Variants in TTC28 observed in about 807,000 individuals in gnomAD.
TTC28 encodes tetratricopeptide repeat domain 28.
A neutral mutation model predicts 198.0 loss-of-function variants in TTC28; 61 were observed. The observed-to-expected ratio is 0.31, with a 90% CI of 0.25 to 0.38. The LOEUF (loss-of-function observed/expected upper bound fraction) is 0.38. Ranked by LOEUF, TTC28 falls within the 10% of genes least tolerant of loss-of-function variation. The pLI, the probability that TTC28 is intolerant of heterozygous loss-of-function variation, is 1.00. For missense variants in TTC28, 2,678 were observed against 3,164.0 expected (o/e 0.85, Z 3.69); for synonymous variants, 1,171 against 1,297.8 (o/e 0.90, Z 2.10).
chr22:28,498,582 G>A (rs1287846770), intron 2 of TTC28, among the ~76,000 whole-genome samples: 2 of 152,090 alleles, frequency 1.3e-5, no homozygotes, highest in African/African-American at 4.8e-5. Flanking sequence ...ACCGAAAGGG[G>A]CTCCCTTGGT....
chr22:28,625,914 A>G (rs1299176979), intron 2 of TTC28, among the ~76,000 whole-genome samples: 3 of 152,186 alleles, frequency 2.0e-5, no homozygotes, highest in Non-Finnish European at 4.4e-5. Flanking sequence ...TTTGTGACAA[A>G]GGTGCCAGGA....
intron 2 of TTC28, among the ~76,000 whole-genome samples, chr22:28,434,399 G>C (rs1183828450): frequency 6.6e-6 from 1 of 152,046 alleles, no homozygotes; most frequent in Non-Finnish European, 1.5e-5. Context: ...AAAATGGGCA[G>C]GTATGGGGCA....
chr22:28,274,321 A>C (rs752855687), intron 5 of TTC28, among the ~76,000 whole-genome samples: 1 of 152,246 alleles, frequency 6.6e-6, no homozygotes, highest in Non-Finnish European at 1.5e-5. Context: ...ACATATACAC[A>C]TCAATGAATA....
At chr22:28,184,865 T>G (rs537125489) in intron 5 of TTC28, among the ~76,000 whole-genome samples, 1 of 151,934 alleles carries the variant, frequency 6.6e-6, no homozygotes, top group East Asian at 1.9e-4. Context: ...TAAGAAAAGG[T>G]ATAGGGTACA....
At chr22:28,134,025 G>C (rs561388125) in intron 6 of TTC28, among the ~76,000 whole-genome samples, 203 of 152,276 alleles carry the variant, frequency 1.3e-3, no homozygotes, top group Middle Eastern at 3.4e-3. Flanking sequence ...CCAGAGGAAC[G>C]ATCAGGCAGC....
chr22:28,163,300 G>C lies in TTC28; in HGVS notation c.1233C>G (p.Asp411Glu). The C allele has an allele frequency of 6.4e-7, 1 of 1,552,012 alleles. No individual in the cohort carries two copies. The highest frequency in any genetic ancestry group is 8.7e-7 in the Non-Finnish European group (1 of 1,147,078). Reference sequence around the variant, plus strand: ...CATAGTTATGGTAAGACATGGCCTTGTCAAAGTTCCTCCGGTAGTGATAGG... The same window carrying C: ...CATAGTTATGGTAAGACATGGCCTTCTCAAAGTTCCTCCGGTAGTGATAGG... ...GSAYHYRRNF[D>E]KAMSYHNYVL... The change falls in exon 6 of 23, where the codon GAC becomes GAG. Residue 411 changes from aspartate (D) to glutamate (E), a missense_variant. Transcript: ENST00000397906.
intron 3 of TTC28, among the ~76,000 whole-genome samples, chr22:28,301,002 T>C (rs2045010576): frequency 6.6e-6 from 1 of 152,198 alleles, no homozygotes; most frequent in Non-Finnish European, 1.5e-5. Flanking sequence ...CATGTATATA[T>C]GTATGTCAAT....
intron 12 of TTC28, among the ~76,000 whole-genome samples, chr22:28,083,580 G>T (rs532945476): frequency 6.6e-6 from 1 of 152,252 alleles, no homozygotes; most frequent in Non-Finnish European, 1.5e-5. Flanking sequence ...AGCTCCCAGC[G>T]TGAGCGATGC....
At chr22:28,050,156 C>A (rs1337281098) in intron 12 of TTC28, among the ~76,000 whole-genome samples, 2 of 152,070 alleles carry the variant, frequency 1.3e-5, no homozygotes, top group East Asian at 3.9e-4. Flanking sequence ...CAGGGTCCCA[C>A]AGGTAATAAG....
chr22:28,098,353 GAACCTGGTTC>G (rs1942034056), intron 10 of TTC28, among the ~76,000 whole-genome samples: 1 of 152,128 alleles, frequency 6.6e-6, no homozygotes, highest in Non-Finnish European at 1.5e-5. Flanking sequence ...CCTAGGGAGG[GAACCTGGTTC>G]AAGCATCCCT....
At chr22:28,288,920 T>C (rs1427847319) in intron 5 of TTC28, among the ~76,000 whole-genome samples, 2 of 152,124 alleles carry the variant, frequency 1.3e-5, no homozygotes, top group Non-Finnish European at 2.9e-5. Flanking sequence ...TCTCAACCAC[T>C]ATCCTATATT....
intron 6 of TTC28, among the ~76,000 whole-genome samples, chr22:28,137,522 G>T (rs1024475857): frequency 6.6e-6 from 1 of 152,082 alleles, no homozygotes; most frequent in Non-Finnish European, 1.5e-5. Flanking sequence ...TAGTTCTCTT[G>T]GAGGGCCCTC....
At chr22:28,020,908 C>G (rs919182403) in intron 13 of TTC28, among the ~76,000 whole-genome samples, 1 of 152,050 alleles carries the variant, frequency 6.6e-6, no homozygotes, top group Admixed American at 6.5e-5. Context: ...AGCTAGGACC[C>G]GACAGACCTC....
chr22:28,397,908 G>A (rs987205954), intron 2 of TTC28, among the ~76,000 whole-genome samples: 5 of 152,186 alleles, frequency 3.3e-5, no homozygotes, highest in African/African-American at 1.2e-4. Flanking sequence ...ATCCCTGGGT[G>A]TATCCCAAGT....
At chr22:28,390,334 A>G (rs554680127) in intron 2 of TTC28, among the ~76,000 whole-genome samples, 1 of 152,124 alleles carries the variant, frequency 6.6e-6, no homozygotes, top group Non-Finnish European at 1.5e-5. Flanking sequence ...TTTGGGGTGG[A>G]GAGTTCTGTA....
intron 2 of TTC28, among the ~76,000 whole-genome samples, chr22:28,605,280 A>G (rs554261554): frequency 6.6e-6 from 1 of 152,222 alleles, no homozygotes; most frequent in Admixed American, 6.5e-5. Flanking sequence ...AAACTCTTAG[A>G]TAAGAAATTC....
At chr22:28,444,355 A>T (rs1030135542) in intron 2 of TTC28, among the ~76,000 whole-genome samples, 13 of 152,122 alleles carry the variant, frequency 8.5e-5, no homozygotes, top group Admixed American at 6.5e-5. Flanking sequence ...AATGTGGGAG[A>T]TTATATGCAG....
At chr22:28,450,836 A>T (rs2047767932) in intron 2 of TTC28, among the ~76,000 whole-genome samples, 1 of 152,232 alleles carries the variant, frequency 6.6e-6, no homozygotes, top group African/African-American at 2.4e-5. Flanking sequence ...TGTTTCAGAC[A>T]ATAGGCAGCA....
At chr22:28,271,047 G>A (rs993007642) in intron 5 of TTC28, among the ~76,000 whole-genome samples, 1 of 151,754 alleles carries the variant, frequency 6.6e-6, no homozygotes, top group Non-Finnish European at 1.5e-5. Flanking sequence ...ATAAGATTAC[G>A]ACTATCCAAG....
Sources: allele counts gnomAD v4.1 joint callset (sites outside exome capture counted in the v4.1 genomes callset), GRCh38; gene constraint gnomAD v4.1.1; transcripts MANE v1.5; gene names NCBI Gene and HGNC (gene_info 2026-07-23, HGNC 2026-07-21).